Variants in TMEM178B observed in about 807,000 individuals in gnomAD.
TMEM178B encodes the protein transmembrane protein 178B.
TMEM178B carries 5 observed loss-of-function variants against 31.0 expected under a neutral mutation model. That is an observed-to-expected ratio of 0.16 (90% CI 0.08 to 0.34). The LOEUF is 0.34. Among genes scored for constraint, TMEM178B ranks in the 10% least tolerant of loss-of-function variants. The pLI, the probability that TMEM178B is intolerant of heterozygous loss-of-function variation, is 1.00. For missense variants in TMEM178B, 275 were observed against 400.3 expected, an observed-to-expected ratio of 0.69 and a Z score of 2.67; for synonymous variants, 164 against 164.0, an observed-to-expected ratio of 1.00 and a Z score of 0.00.
chr7:141,400,051 T>C (rs983309410), intron 2 of TMEM178B, among the ~76,000 whole-genome samples: 2 of 152,190 alleles, frequency 1.3e-5, no homozygotes, highest in African/African-American at 4.8e-5. Context: ...TAGAAGCTGA[T>C]ATTTGATCTC....
At chr7:141,407,885 A>C (rs1800913064) in intron 2 of TMEM178B, among the ~76,000 whole-genome samples, 1 of 152,216 alleles carries the variant, frequency 6.6e-6, no homozygotes, top group African/African-American at 2.4e-5. Context: ...TCATTTTGTC[A>C]GTAGTAACTA....
downstream of TMEM178B, among the ~76,000 whole-genome samples, chr7:141,482,508 T>G (rs796598354): frequency 2.0e-5 from 3 of 152,300 alleles, no homozygotes; most frequent in African/African-American, 7.2e-5. Context: ...GAGCAGTAAG[T>G]GCTCAACAGG....
At chr7:141,354,824 TGA>T (rs1799791278) in intron 2 of TMEM178B, among the ~76,000 whole-genome samples, 1 of 152,362 alleles carries the variant, frequency 6.6e-6, no homozygotes, top group African/African-American at 2.4e-5. Flanking sequence ...GACATTGCAC[TGA>T]GTTTCTCTCT....
At position 141,171,308 on chromosome 7, in the gene TMEM178B, GA is replaced by G. The variant is rs1162451982; in HGVS notation, c.383-41282del. 1.3e-5 allele frequency among the ~76,000 whole-genome samples: 2 copies of G among 152,124 alleles called. No individual in the cohort carries two copies. Among genetic ancestry groups the G allele is most frequent in the Non-Finnish European group, 1.5e-5 (1 of 68,030 alleles). ...TCTCTGGAAAAAAACCAAAATTTTA[GA>G]CTTTTTACTATGTGATAGGCAGTGT... On this transcript the variant is annotated intron_variant, in intron 1 of 3. Coordinates refer to ENST00000565468, the MANE Select transcript of TMEM178B (RefSeq NM_001195278.2). The surrounding 1 kb of genome is among the most constrained non-coding windows in gnomAD (Gnocchi z 4.3).
chr7:141,133,431 C>CAATG (rs1241961939), intron 1 of TMEM178B, among the ~76,000 whole-genome samples: 1 of 151,858 alleles, frequency 6.6e-6, no homozygotes, highest in Non-Finnish European at 1.5e-5. Context: ...CTGAATAATT[C>CAATG]AATGAATGAG....
chr7:141,298,571 T>C (rs898574735), intron 2 of TMEM178B, among the ~76,000 whole-genome samples: 4 of 152,240 alleles, frequency 2.6e-5, no homozygotes, highest in Non-Finnish European at 4.4e-5. Flanking sequence ...TTTAAGCTTC[T>C]TGATTTTACA....
chr7:141,271,409 G>C (rs1352344664), intron 2 of TMEM178B, among the ~76,000 whole-genome samples: 2 of 152,180 alleles, frequency 1.3e-5, no homozygotes, highest in African/African-American at 4.8e-5. Flanking sequence ...CCTCTTAGGA[G>C]CTTTTTGGTC....
intron 2 of TMEM178B, among the ~76,000 whole-genome samples, chr7:141,261,224 C>T (rs956131692): frequency 5.3e-5 from 8 of 151,976 alleles, no homozygotes; most frequent in Admixed American, 6.6e-5. Flanking sequence ...ATGCCCTGTT[C>T]GTGAGGAAGA....
chr7:141,080,846 G>A (rs1794670622), intron 1 of TMEM178B, among the ~76,000 whole-genome samples: 1 of 152,098 alleles, frequency 6.6e-6, no homozygotes, highest in Non-Finnish European at 1.5e-5. Context: ...ATGGCCTAGT[G>A]ACATCATAGA....
chr7:141,490,989 G>T, the TMEM178B span, among the ~76,000 whole-genome samples: 1 of 152,098 alleles, frequency 6.6e-6, no homozygotes, highest in African/African-American at 2.4e-5. Context: ...TCAAAATCCA[G>T]ATCTGTCTGC....
chr7:141,350,791 C>G (rs1799706925), intron 2 of TMEM178B, among the ~76,000 whole-genome samples: 1 of 152,102 alleles, frequency 6.6e-6, no homozygotes, highest in Non-Finnish European at 1.5e-5. Flanking sequence ...CATACACACA[C>G]ACAAAACAAA....
At chr7:141,334,718 G>A (rs1051466206) in intron 2 of TMEM178B, among the ~76,000 whole-genome samples, 1 of 152,220 alleles carries the variant, frequency 6.6e-6, no homozygotes, top group Non-Finnish European at 1.5e-5. Context: ...CCTGGGAAAT[G>A]TGTGTAGCTG....
At chr7:141,169,380 C>G (rs538400539) in intron 1 of TMEM178B, among the ~76,000 whole-genome samples, 1 of 152,198 alleles carries the variant, frequency 6.6e-6, no homozygotes, top group Non-Finnish European at 1.5e-5. Flanking sequence ...TAATATCATT[C>G]TTTTTTATGG....
intron 1 of TMEM178B, among the ~76,000 whole-genome samples, chr7:141,126,968 G>A (rs897016882): frequency 6.6e-6 from 1 of 151,952 alleles, no homozygotes; most frequent in Non-Finnish European, 1.5e-5. Flanking sequence ...AGGATCAGGC[G>A]GATTTGCAAC....
the TMEM178B span, among the ~76,000 whole-genome samples, chr7:141,499,865 A>T: frequency 2.0e-5 from 3 of 152,254 alleles, no homozygotes; most frequent in African/African-American, 7.2e-5. Context: ...GCAGAAATCC[A>T]CATGCAAATA....
intron 2 of TMEM178B, chr7:141,414,443 A>G (rs911203930): frequency 6.6e-6 from 1 of 152,522 alleles, no homozygotes; most frequent in East Asian, 1.9e-4. Flanking sequence ...CATAATTTCT[A>G]TAACCATATA....
intron 2 of TMEM178B, among the ~76,000 whole-genome samples, chr7:141,255,966 TCATC>T (rs200644068): frequency 0.011 from 1,645 of 152,074 alleles, 19 homozygotes; most frequent in Middle Eastern, 0.017. Flanking sequence ...GAGAAACCTG[TCATC>T]CATCCATCCA....
chr7:141,308,389 C>G (rs945253673), intron 2 of TMEM178B, among the ~76,000 whole-genome samples: 1 of 152,096 alleles, frequency 6.6e-6, no homozygotes, highest in African/African-American at 2.4e-5. Context: ...TTTTTAAAAG[C>G]AGAACCATTT....
intron 2 of TMEM178B, among the ~76,000 whole-genome samples, chr7:141,327,757 A>G (rs747587337): frequency 6.6e-6 from 1 of 152,154 alleles, no homozygotes. Flanking sequence ...GTTCCCTATA[A>G]AAGGATGAGT....
Sources: allele counts gnomAD v4.1 joint callset (sites outside exome capture counted in the v4.1 genomes callset), GRCh38; gene constraint gnomAD v4.1.1; non-coding constraint Gnocchi (gnomAD v3.1); transcripts MANE v1.5; gene names NCBI Gene and HGNC (gene_info 2026-07-23, HGNC 2026-07-21).